Variants in EIF3H observed in about 807,000 individuals in gnomAD.
The protein encoded by EIF3H is eukaryotic translation initiation factor 3 subunit H, also known as eIF-3-gamma.
EIF3H carries 26 observed loss-of-function variants against 44.2 expected under a neutral mutation model. The ratio of observed to expected loss-of-function variants is 0.59; its 90% CI spans 0.43 to 0.82. The LOEUF is 0.82. Ranked by LOEUF, EIF3H falls within the 40% of genes least tolerant of loss-of-function variation. The probability of loss-of-function intolerance (pLI) is 0.00; values close to 1 mark genes in which losing one functional copy is unlikely to be tolerated. For missense variants in EIF3H, 359 were observed against 432.8 expected (o/e 0.83, Z 1.51); for synonymous variants, 166 against 151.9 (o/e 1.09, Z -0.68).
intron 1 of EIF3H, among the ~76,000 whole-genome samples, chr8:116,747,310 C>A (rs1489549087): frequency 1.3e-5 from 2 of 152,192 alleles, no homozygotes; most frequent in Non-Finnish European, 2.9e-5. Context: ...AGGTGATCCG[C>A]CCACCTCAGC....
At chr8:116,700,085 C>T (rs1043519708) in intron 2 of EIF3H, among the ~76,000 whole-genome samples, 1 of 152,160 alleles carries the variant, frequency 6.6e-6, no homozygotes, top group Non-Finnish European at 1.5e-5. Flanking sequence ...GGATTACAGG[C>T]GTGAGCCACC....
intron 1 of EIF3H, among the ~76,000 whole-genome samples, chr8:116,745,564 T>C (rs1031889565): frequency 1.3e-5 from 2 of 152,192 alleles, no homozygotes; most frequent in African/African-American, 4.8e-5. Flanking sequence ...CAATAAGGTG[T>C]CTGACCTTAA....
chr8:116,691,367 G>A (rs1224985573), intron 2 of EIF3H, among the ~76,000 whole-genome samples: 1 of 152,060 alleles, frequency 6.6e-6, no homozygotes. Flanking sequence ...AGTGGGGGGA[G>A]GTGCTGGGTA....
At chr8:116,683,616 G>A (rs1199416024) in intron 2 of EIF3H, among the ~76,000 whole-genome samples, 1 of 152,148 alleles carries the variant, frequency 6.6e-6, no homozygotes, top group South Asian at 2.1e-4. Flanking sequence ...GTGATGGTAC[G>A]TGTGCATGGG....
Position 116,642,496 on chromosome 8 carries a change from GAAT to G in EIF3H, c.*2507_*2509del, listed in dbSNP as rs1379677622. ...AGGAATCCATTCTTTCAGGTTTTAA[GAAT>G]AATGTTATGATTATTAGATTATTAT... is the stretch of plus-strand genomic sequence containing the variant. On this transcript the variant is annotated 3_prime_UTR_variant, in exon 8 of 8. Coordinates refer to ENST00000521861, the MANE Select transcript of EIF3H (RefSeq NM_003756.3). 1.3e-5 allele frequency: 2 copies of G among 152,112 alleles called. No individual in the cohort carries two copies. The highest frequency in any genetic ancestry group is 2.9e-5 in the Non-Finnish European group (2 of 68,020). 9.4% of individuals were successfully genotyped at this position (152,112 alleles called of 1,614,324 possible).
At chr8:116,706,584 G>C (rs189006437) in intron 2 of EIF3H, among the ~76,000 whole-genome samples, 1 of 151,890 alleles carries the variant, frequency 6.6e-6, no homozygotes, top group Non-Finnish European at 1.5e-5. Flanking sequence ...ACCCAGGCTG[G>C]AGTGCAGTGG....
chr8:116,736,758 C>A (rs945905480), intron 1 of EIF3H, among the ~76,000 whole-genome samples: 1 of 152,164 alleles, frequency 6.6e-6, no homozygotes, highest in Non-Finnish European at 1.5e-5. Context: ...TTCATACATG[C>A]GCTGACTCCC....
chr8:116,696,986 T>C lies in EIF3H; in HGVS notation c.289+29030A>G, dbSNP rs192666306. On this transcript the variant is annotated intron_variant, in intron 2 of 7. Transcript: ENST00000521861. ...AAAGCTAGGACACCAACCCTCTCCA[T>C]ATTACATGTTAATACAATTAGGGCA... 4.8e-5 allele frequency: 20 copies of C among 413,824 alleles called. No homozygotes were observed. The East Asian group carries it at 1.4e-3, about 28-fold the overall frequency. 25.6% of individuals were successfully genotyped at this position (413,824 alleles called of 1,614,324 possible).
intron 2 of EIF3H, among the ~76,000 whole-genome samples, chr8:116,663,496 C>T (rs970798180): frequency 2.6e-5 from 4 of 152,136 alleles, no homozygotes; most frequent in African/African-American, 9.7e-5. Context: ...AGAGGATAAT[C>T]CTCTTGGGAG....
chr8:116,651,184 T>C (rs1350728228), intron 5 of EIF3H, among the ~76,000 whole-genome samples: 1 of 152,188 alleles, frequency 6.6e-6, no homozygotes, highest in Non-Finnish European at 1.5e-5. Context: ...CTCCAGCAAA[T>C]AATCTATCGT....
chr8:116,731,916 T>C (rs894578026), intron 1 of EIF3H, among the ~76,000 whole-genome samples: 1 of 152,200 alleles, frequency 6.6e-6, no homozygotes, highest in Non-Finnish European at 1.5e-5. Flanking sequence ...AACTTTGTCA[T>C]GTTCTGGGTG....
chr8:116,679,065 T>G (rs1459832179), intron 2 of EIF3H, among the ~76,000 whole-genome samples: 1 of 51,612 alleles, frequency 1.9e-5, no homozygotes, highest in Non-Finnish European at 5.5e-5. Flanking sequence ...CCGCCCCTAC[T>G]GGGAAGTGAG....
Position 116,695,612 on chromosome 8 carries a change from G to T in EIF3H, c.289+30404C>A, listed in dbSNP as rs536627520. ...GGATTCAGAGACTCAGTAAAGTGAG[G>T]AAGGTATTGGGGATAGGAGGAGGAA... On this transcript the variant is annotated intron_variant, in intron 2 of 7. Coordinates refer to ENST00000521861, the MANE Select transcript of EIF3H (RefSeq NM_003756.3). 2.0e-5 allele frequency among the ~76,000 whole-genome samples: 3 copies of T among 152,224 alleles called. No homozygotes were observed. The East Asian group carries it at 5.8e-4, about 29-fold the overall frequency.
chr8:116,693,687 CT>C (rs112713966), intron 2 of EIF3H, among the ~76,000 whole-genome samples: 1,844 of 146,374 alleles, frequency 0.013, 37 homozygotes, highest in African/African-American at 0.041. Context: ...ATGTACATTT[CT>C]TTTTTTTTTT....
chr8:116,663,743 C>T (rs1002458888), intron 2 of EIF3H, among the ~76,000 whole-genome samples: 2 of 152,004 alleles, frequency 1.3e-5, no homozygotes, highest in Admixed American at 1.3e-4. Context: ...CCAGCCTGGC[C>T]GACATGGTGA....
At chr8:116,661,222 A>C (rs1415709743) in intron 2 of EIF3H, among the ~76,000 whole-genome samples, 1 of 152,254 alleles carries the variant, frequency 6.6e-6, no homozygotes, top group Non-Finnish European at 1.5e-5. Context: ...ATTATAAGTA[A>C]AATGGGAGCT....
At chr8:116,709,171 C>T (rs1225236435) in intron 2 of EIF3H, among the ~76,000 whole-genome samples, 1 of 152,036 alleles carries the variant, frequency 6.6e-6, no homozygotes, top group African/African-American at 2.4e-5. Context: ...TACTCATTAC[C>T]ACAATTGCAC....
intron 1 of EIF3H, 122 bp downstream of exon 1, chr8:116,755,544 G>A (rs1213237481): frequency 9.1e-6 from 12 of 1,316,348 alleles, no homozygotes; most frequent in Non-Finnish European, 1.2e-5. Flanking sequence ...AAACGTACTA[G>A]GGAAAAACTT....
intron 1 of EIF3H, among the ~76,000 whole-genome samples, chr8:116,745,022 T>C (rs1815208265): frequency 6.6e-6 from 1 of 152,214 alleles, no homozygotes; most frequent in South Asian, 2.1e-4. Context: ...AAGTCCAAGA[T>C]ATTGAACAAA....
Sources: gnomAD v4.1 joint callset for allele counts (sites outside exome capture counted in the v4.1 genomes callset) on GRCh38, gnomAD v4.1.1 for gene constraint, MANE v1.5 for transcripts, NCBI Gene and HGNC (gene_info 2026-07-23, HGNC 2026-07-21) for gene names.